Variants in DMRT1 observed in about 807,000 individuals in gnomAD.
DMRT1 encodes doublesex- and mab-3-related transcription factor 1.
Under a neutral mutation model 32.3 loss-of-function variants are expected in DMRT1, and 7 were observed. The observed-to-expected ratio is 0.22, with a 90% CI of 0.12 to 0.41. The LOEUF (loss-of-function observed/expected upper bound fraction) is 0.41, where lower values mean the gene tolerates loss of function less well. Ranked by LOEUF, DMRT1 falls within the 10% of genes least tolerant of loss-of-function variation. The probability of loss-of-function intolerance (pLI) is 1.00; values close to 1 mark genes in which losing one functional copy is unlikely to be tolerated. For missense variants in DMRT1, 625 were observed against 500.5 expected, an observed-to-expected ratio of 1.25 and a Z score of -2.37; for synonymous variants, 278 against 206.1, an observed-to-expected ratio of 1.35 and a Z score of -2.99.
intron 3 of DMRT1, among the ~76,000 whole-genome samples, chr9:906,051 ACTCACACACT>A (rs1377227058): frequency 1.3e-5 from 1 of 75,480 alleles, no homozygotes; most frequent in African/African-American, 3.0e-5. Context: ...ACACACACAC[ACTCACACACT>A]CTTCCAAATC....
chr9:912,146 G>T (rs1818012812), intron 3 of DMRT1, among the ~76,000 whole-genome samples: 1 of 152,230 alleles, frequency 6.6e-6, no homozygotes, highest in Non-Finnish European at 1.5e-5. Flanking sequence ...AGAGGAGAAA[G>T]AGAACAGGGG....
chr9:865,238 C>T (rs1815929419), intron 2 of DMRT1, among the ~76,000 whole-genome samples: 1 of 152,064 alleles, frequency 6.6e-6, no homozygotes, highest in African/African-American at 2.4e-5. Context: ...AACTTTATAC[C>T]TGGAAAGGAC....
intron 2 of DMRT1, among the ~76,000 whole-genome samples, chr9:885,486 C>T (rs1480072533): frequency 6.6e-6 from 1 of 152,196 alleles, no homozygotes; most frequent in Non-Finnish European, 1.5e-5. Flanking sequence ...CTTCCCCAAC[C>T]AAACGCAGCG....
Position 965,816 on chromosome 9 carries a change from G to C in DMRT1, c.968-2169G>C, listed in dbSNP as rs1185177736. On this transcript the variant is annotated intron_variant, in intron 4 of 4. Transcript: ENST00000382276. This position sits in a 1 kb window ranked among gnomAD's most constrained non-coding sequence, Gnocchi z 4.5. ...TTGGTGCAGGGGCCAGAGCACGCCA[G>C]AGTCAGCCTAATCAGTACAGTGCTG... is the stretch of plus-strand genomic sequence containing the variant. Among the ~76,000 whole-genome samples, 1 of 152,232 alleles carries C rather than the reference G, an allele frequency of 6.6e-6. No homozygotes were observed. The highest frequency in any genetic ancestry group is 1.5e-5 in the Non-Finnish European group (1 of 68,044).
intron 4 of DMRT1, among the ~76,000 whole-genome samples, chr9:945,873 A>G (rs1417334986): frequency 4.0e-5 from 6 of 151,694 alleles, no homozygotes; most frequent in African/African-American, 7.3e-5. Context: ...ACCTTTTGCT[A>G]TGAAATTACA....
intron 4 of DMRT1, among the ~76,000 whole-genome samples, chr9:966,721 C>T (rs1189463178): frequency 6.6e-6 from 1 of 152,194 alleles, no homozygotes; most frequent in Non-Finnish European, 1.5e-5. Flanking sequence ...AAACCCGTAA[C>T]GAGTGTAAAT....
chr9:947,016 A>G (rs1819267697), intron 4 of DMRT1, among the ~76,000 whole-genome samples: 1 of 152,206 alleles, frequency 6.6e-6, no homozygotes, highest in Non-Finnish European at 1.5e-5. Flanking sequence ...GACCAGTTAC[A>G]TGATTGGCAG....
Position 928,840 on chromosome 9 carries a change from A to ATT in DMRT1, c.967+11935_967+11936dup, listed in dbSNP as rs1319013649. ...TCTGAAATTTAAATTTTATTTATTT[A>ATT]TTTATTTTTATTTATTTATTTATTT... On this transcript the variant is annotated intron_variant, in intron 4 of 4. Transcript: ENST00000382276. 2.6e-5 allele frequency among the ~76,000 whole-genome samples: 4 copies of ATT among 151,428 alleles called. No homozygotes were observed. The East Asian group carries it at 5.8e-4, about 22-fold the overall frequency.
intron 4 of DMRT1, among the ~76,000 whole-genome samples, chr9:930,033 T>C (rs10977581): frequency 0.51 from 77,685 of 152,046 alleles, 22,178 homozygotes; most frequent in South Asian, 0.7. Context: ...CCGTCTTGAC[T>C]TTATTCAAGA....
intron 3 of DMRT1, 143 bp downstream of exon 3, chr9:894,338 A>T (rs1033834): frequency 3.6e-6 from 3 of 838,698 alleles, no homozygotes; most frequent in African/African-American, 3.9e-5. Flanking sequence ...ACACACACAT[A>T]TGTGTGTGTG....
chr9:963,830 G>A (rs1342281159), intron 4 of DMRT1, among the ~76,000 whole-genome samples: 1 of 152,228 alleles, frequency 6.6e-6, no homozygotes, highest in Non-Finnish European at 1.5e-5. Context: ...TTATCATGAA[G>A]TGGAAGAATT....
chr9:922,663 C>T (rs1326154992), intron 4 of DMRT1, among the ~76,000 whole-genome samples: 1 of 152,114 alleles, frequency 6.6e-6, no homozygotes. Context: ...TTTGTGATCT[C>T]GGTTTAAAAG....
intron 4 of DMRT1, among the ~76,000 whole-genome samples, chr9:943,516 C>T (rs1329024173): frequency 6.6e-6 from 1 of 152,228 alleles, no homozygotes; most frequent in East Asian, 1.9e-4. Flanking sequence ...CTTGACAGTA[C>T]ATTTACCCAA....
chr9:850,153 T>G (rs1839083421), intron 2 of DMRT1, among the ~76,000 whole-genome samples: 1 of 152,184 alleles, frequency 6.6e-6, no homozygotes, highest in African/African-American at 2.4e-5. Context: ...CTCATCTCTG[T>G]GGGGCAGGAG....
intron 4 of DMRT1, among the ~76,000 whole-genome samples, chr9:930,903 T>C (rs1375668329): frequency 2.0e-5 from 3 of 152,224 alleles, no homozygotes; most frequent in African/African-American, 4.8e-5. Flanking sequence ...TTCATCCTTT[T>C]AAAATGTATG....
chr9:940,022 C>T (rs1338339970), intron 4 of DMRT1, among the ~76,000 whole-genome samples: 1 of 152,100 alleles, frequency 6.6e-6, no homozygotes, highest in Admixed American at 6.5e-5. Flanking sequence ...TTCCACTTTA[C>T]ACCCATTAGA....
chr9:881,112 C>T (rs531383116), intron 2 of DMRT1, among the ~76,000 whole-genome samples: 1 of 152,052 alleles, frequency 6.6e-6, no homozygotes, highest in Non-Finnish European at 1.5e-5. Flanking sequence ...TCTATAGACC[C>T]CCCCCACCTC....
chr9:962,665 AT>A (rs1273496586), intron 4 of DMRT1, among the ~76,000 whole-genome samples: 2 of 151,988 alleles, frequency 1.3e-5, no homozygotes, highest in Non-Finnish European at 2.9e-5. Context: ...CCGTGAGCTA[AT>A]TTTGCTTGAG....
intron 3 of DMRT1, among the ~76,000 whole-genome samples, chr9:902,425 T>C (rs544692221): frequency 1.3e-5 from 2 of 151,836 alleles, no homozygotes; most frequent in East Asian, 3.9e-4. Context: ...GTGCTCCCTT[T>C]AGCAATTATG....
Sources: gnomAD v4.1 joint callset for allele counts (sites outside exome capture counted in the v4.1 genomes callset) on GRCh38, gnomAD v4.1.1 for gene constraint, Gnocchi (gnomAD v3.1) non-coding constraint, MANE v1.5 for transcripts, NCBI Gene and HGNC (gene_info 2026-07-23, HGNC 2026-07-21) for gene names.